Variants in PTPRD observed in about 807,000 individuals in gnomAD.
PTPRD encodes the protein receptor-type tyrosine-protein phosphatase delta.
A neutral mutation model predicts 214.5 loss-of-function variants in PTPRD; 34 were observed. The ratio of observed to expected loss-of-function variants is 0.16; its 90% CI spans 0.12 to 0.21. The LOEUF (loss-of-function observed/expected upper bound fraction) is 0.21. PTPRD is among the 10% of genes least tolerant of loss of function. The pLI, the probability that PTPRD is intolerant of heterozygous loss-of-function variation, is 1.00. For synonymous variants in PTPRD, 1,128 were observed against 845.7 expected, an observed-to-expected ratio of 1.33 and a Z score of -5.79; for missense variants, 2,545 against 2,398.7, an observed-to-expected ratio of 1.06 and a Z score of -1.27.
At chr9:9,982,156 G>A (rs1040458577) in intron 4 of PTPRD, among the ~76,000 whole-genome samples, 2 of 152,084 alleles carry the variant, frequency 1.3e-5, no homozygotes, top group Non-Finnish European at 2.9e-5. Flanking sequence ...ATTCCGAAAG[G>A]GTTGCCAAAA....
chr9:8,776,736 A>G (rs1252399105), intron 11 of PTPRD, among the ~76,000 whole-genome samples: 3 of 150,684 alleles, frequency 2.0e-5, no homozygotes, highest in Non-Finnish European at 4.4e-5. Flanking sequence ...AAGACATTTA[A>G]ATTTTTAGAA....
At chr9:8,589,868 C>T (rs763972367) in intron 14 of PTPRD, among the ~76,000 whole-genome samples, 15 of 152,078 alleles carry the variant, frequency 9.9e-5, no homozygotes, top group African/African-American at 3.1e-4. Context: ...ACAGTGGCTA[C>T]GTTCAATTTC....
intron 32 of PTPRD, 43 bp downstream of exon 32, chr9:8,465,423 A>G (rs1335664017): frequency 6.4e-7 from 1 of 1,556,800 alleles, no homozygotes; most frequent in Non-Finnish European, 8.8e-7. Context: ...GTGAAAATGT[A>G]TAAGCGTACC....
chr9:8,771,923 T>A (rs1018532432), intron 11 of PTPRD, among the ~76,000 whole-genome samples: 1 of 151,834 alleles, frequency 6.6e-6, no homozygotes, highest in Non-Finnish European at 1.5e-5. Context: ...ATAAACCAAA[T>A]GCTTTATCAA....
At chr9:8,954,402 A>G (rs1032581026) in intron 11 of PTPRD, among the ~76,000 whole-genome samples, 1 of 151,806 alleles carries the variant, frequency 6.6e-6, no homozygotes, top group Non-Finnish European at 1.5e-5. Flanking sequence ...TATGCTTACT[A>G]CCTGGGTTAC....
chr9:9,066,887 C>G (rs1011948717), intron 10 of PTPRD, among the ~76,000 whole-genome samples: 1 of 152,194 alleles, frequency 6.6e-6, no homozygotes, highest in African/African-American at 2.4e-5. Context: ...AATTCAAGAA[C>G]TGTGAGAGAA....
At chr9:10,035,177 T>G (rs1325187542) in intron 3 of PTPRD, among the ~76,000 whole-genome samples, 1 of 152,162 alleles carries the variant, frequency 6.6e-6, no homozygotes, top group Non-Finnish European at 1.5e-5. Context: ...CATTGTGACT[T>G]TAATTTGCAT....
intron 5 of PTPRD, among the ~76,000 whole-genome samples, chr9:9,931,355 G>T (rs1466330586): frequency 6.6e-6 from 1 of 152,178 alleles, no homozygotes; most frequent in Non-Finnish European, 1.5e-5. Flanking sequence ...GTGGGCGCAG[G>T]TCAGTGGGTG....
intron 14 of PTPRD, among the ~76,000 whole-genome samples, chr9:8,605,237 T>C (rs1248364283): frequency 1.3e-5 from 2 of 152,206 alleles, no homozygotes; most frequent in African/African-American, 2.4e-5. Context: ...AATTTTGAAG[T>C]ATATTAAACC....
At chr9:10,510,780 A>G (rs1208528667) in intron 2 of PTPRD, among the ~76,000 whole-genome samples, 4 of 152,076 alleles carry the variant, frequency 2.6e-5, no homozygotes, top group East Asian at 1.9e-4. Context: ...TAGTTGCCCT[A>G]TTGTGCTACA....
intron 11 of PTPRD, among the ~76,000 whole-genome samples, chr9:8,848,093 C>T (rs113352934): frequency 8.6e-5 from 13 of 151,916 alleles, no homozygotes; most frequent in African/African-American, 3.1e-4. Context: ...ACTTCTGCTC[C>T]AGGACTGACC....
chr9:9,102,433 C>G (rs900126904), intron 10 of PTPRD, among the ~76,000 whole-genome samples: 1 of 152,160 alleles, frequency 6.6e-6, no homozygotes, highest in Non-Finnish European at 1.5e-5. Flanking sequence ...TGGCTTCTTC[C>G]AAGTCATCCA....
intron 7 of PTPRD, among the ~76,000 whole-genome samples, chr9:9,645,676 A>T (rs1022168508): frequency 6.6e-6 from 1 of 151,712 alleles, no homozygotes. Flanking sequence ...CCTCTGATTG[A>T]TATTTTCTTT....
At chr9:8,721,429 CAA>C (rs35721977) in intron 12 of PTPRD, among the ~76,000 whole-genome samples, 44 of 97,254 alleles carry the variant, frequency 4.5e-4, no homozygotes, top group Admixed American at 5.5e-4. Context: ...GACTCCATTT[CAA>C]AAAAAAAAAA....
intron 8 of PTPRD, among the ~76,000 whole-genome samples, chr9:9,428,674 G>A (rs938861107): frequency 6.6e-6 from 1 of 152,138 alleles, no homozygotes; most frequent in South Asian, 2.1e-4. Context: ...CTCAGAAAAT[G>A]TAAAAGAACA....
intron 8 of PTPRD, among the ~76,000 whole-genome samples, chr9:9,440,909 C>A (rs746077173): frequency 6.6e-6 from 1 of 152,122 alleles, no homozygotes; most frequent in Non-Finnish European, 1.5e-5. Flanking sequence ...ACCCTAGGAT[C>A]AGCATTTGAA....
chr9:10,500,676 T>G (rs77219165), intron 2 of PTPRD, among the ~76,000 whole-genome samples: 2,512 of 151,882 alleles, frequency 0.017, 69 homozygotes, highest in African/African-American at 0.056. Context: ...CATTAGCCAT[T>G]CCAACTTCCC....
At chr9:10,400,969 C>T (rs1437973885) in intron 2 of PTPRD, among the ~76,000 whole-genome samples, 1 of 151,572 alleles carries the variant, frequency 6.6e-6, no homozygotes, top group Non-Finnish European at 1.5e-5. Context: ...ATTACAACTA[C>T]AATTATTTCC....
At chr9:10,502,284 T>G (rs2044030643) in intron 2 of PTPRD, among the ~76,000 whole-genome samples, 1 of 151,798 alleles carries the variant, frequency 6.6e-6, no homozygotes, top group Admixed American at 6.6e-5. Flanking sequence ...AAATTGTAAC[T>G]ATATAAATAA....
Sources: allele counts gnomAD v4.1 joint callset (sites outside exome capture counted in the v4.1 genomes callset), GRCh38; gene constraint gnomAD v4.1.1; transcripts MANE v1.5; gene names NCBI Gene and HGNC (gene_info 2026-07-23, HGNC 2026-07-21).